Variants in TAB2 observed in about 807,000 individuals in gnomAD.
TAB2 encodes the protein TGF-beta-activated kinase 1 and MAP3K7-binding protein 2.
Under a neutral mutation model 65.0 loss-of-function variants are expected in TAB2, and 3 were observed. That is an observed-to-expected ratio of 0.05 (90% CI 0.02 to 0.12). TAB2 has a LOEUF of 0.12. Among genes scored for constraint, TAB2 ranks in the 10% least tolerant of loss-of-function variants. The probability of loss-of-function intolerance (pLI) is 1.00; values close to 1 mark genes in which losing one functional copy is unlikely to be tolerated. For missense variants in TAB2, 623 were observed against 840.3 expected, an observed-to-expected ratio of 0.74 and a Z score of 3.20; for synonymous variants, 298 against 285.1, an observed-to-expected ratio of 1.05 and a Z score of -0.46.
intron 1 of TAB2, among the ~76,000 whole-genome samples, chr6:149,259,215 G>C (rs117078981): frequency 8.1e-4 from 123 of 152,056 alleles, no homozygotes; most frequent in African/African-American, 2.9e-3. Flanking sequence ...GTTTTTCAGG[G>C]AAGTGGCAAA....
chr6:149,254,006 G>GAAAGAAAGAAAGAAAGAAAGAA (rs1562389385), intron 1 of TAB2, among the ~76,000 whole-genome samples: 91 of 139,104 alleles, frequency 6.5e-4, no homozygotes, highest in African/African-American at 2.4e-3. Flanking sequence ...AAGAAAGAAA[G>GAAAGAAAGAAAGAAAGAAAGAA]AAAGAAAGAA....
At chr6:149,294,927 G>T (rs1778848471) in intron 1 of TAB2, among the ~76,000 whole-genome samples, 1 of 152,082 alleles carries the variant, frequency 6.6e-6, no homozygotes, top group East Asian at 1.9e-4. Flanking sequence ...GAAAATATAA[G>T]GCTGTTAAAA....
At position 149,387,113 on chromosome 6, in the gene TAB2, ACT is replaced by A. The variant is rs533553894; in HGVS notation, c.1603+7598_1603+7599del. Among the ~76,000 whole-genome samples, 4 of 150,998 alleles carry A rather than the reference ACT, an allele frequency of 2.6e-5. No individual in the cohort carries two copies. In the South Asian group the frequency reaches 8.4e-4, roughly 32 times the overall value. On this transcript the variant is annotated intron_variant, in intron 3 of 6. Coordinates refer to ENST00000637181, the MANE Select transcript of TAB2 (RefSeq NM_001292034.3). ...AGTTTTTTATTTGGCTGAAGTCCAA[ACT>A]CTATGTATTTTTTCTTTTATTGCTC...
intron 1 of TAB2, among the ~76,000 whole-genome samples, chr6:149,275,282 AAGAAAGAAAGAAAGAAAG>A (rs1778446387): frequency 6.7e-6 from 1 of 150,072 alleles, no homozygotes; most frequent in African/African-American, 2.5e-5. Flanking sequence ...GAAAGAAAGA[AAGAAAGAAAGAAAGAAAG>A]AGAAAAAAGA....
rs189947756 is a variant in TAB2 at position 149,326,552 on chromosome 6, A to T, written c.-90+8537A>T. On this transcript the variant is annotated intron_variant, in intron 1 of 6. Coordinates refer to ENST00000637181, the MANE Select transcript of TAB2 (RefSeq NM_001292034.3). ...TTTTCAGCCTTGTGTTTTTGTTATT[A>T]TTTTTTTTTTTTTGAGACGGGGTCT... 2.0e-3 allele frequency among the ~76,000 whole-genome samples: 285 copies of T among 141,782 alleles called. 3 individuals are homozygous for T. In the East Asian group the frequency reaches 0.033, roughly 16 times the overall value. 93.0% of individuals were successfully genotyped at this position (141,782 alleles called of 152,430 possible).
chr6:149,314,373 T>C (rs9390673), upstream of TAB2, among the ~76,000 whole-genome samples: 2,756 of 152,294 alleles, frequency 0.018, 70 homozygotes, highest in East Asian at 0.09. Context: ...AGCTCAGCAT[T>C]TGTGGTTTCA....
intron 1 of TAB2, chr6:149,346,448 C>CTTT (rs11399281): frequency 1.3e-3 from 147 of 113,356 alleles, no homozygotes; most frequent in Non-Finnish European, 1.5e-3. Flanking sequence ...GTTGGTGAAA[C>CTTT]TTTTTTTTTT....
intron 1 of TAB2, among the ~76,000 whole-genome samples, chr6:149,305,068 TTTGTTA>T (rs1026647576): frequency 5.9e-5 from 9 of 152,352 alleles, no homozygotes; most frequent in Middle Eastern, 3.4e-3. Flanking sequence ...TTTTTATTGT[TTTGTTA>T]TTGTTATTGT....
chr6:149,248,586 C>G (rs1044772701), intron 1 of TAB2, among the ~76,000 whole-genome samples: 1 of 146,038 alleles, frequency 6.8e-6, no homozygotes, highest in South Asian at 2.4e-4. Flanking sequence ...CCAGCACACT[C>G]TTTCTCCCAA....
Position 149,294,874 on chromosome 6 carries a change from GATCATT to G in TAB2, c.-121+76101_-121+76106del, listed in dbSNP as rs374491353. Among the ~76,000 whole-genome samples the G allele has an allele frequency of 5.3e-3, 804 of 152,196 alleles. 7 individuals carry two copies. Among genetic ancestry groups the G allele is most frequent in the African/African-American group, 0.018 (758 of 41,520 alleles). On this transcript the variant is annotated intron_variant, in intron 1 of 1. Coordinates refer to the TAB2 transcript ENST00000606202. ...TCACAGAATTGTGACAATCAAATAA[GATCATT>G]ATTGTAAGAGTGCCTTGAAAAACCA...
intron 1 of TAB2, among the ~76,000 whole-genome samples, chr6:149,230,600 A>G (rs1449904967): frequency 6.6e-6 from 1 of 152,220 alleles, no homozygotes; most frequent in Non-Finnish European, 1.5e-5. Context: ...CTAGACAGCC[A>G]CCAGAGCAAG....
intron 1 of TAB2, among the ~76,000 whole-genome samples, chr6:149,340,474 A>G (rs1041417898): frequency 6.6e-6 from 1 of 152,288 alleles, no homozygotes; most frequent in East Asian, 1.9e-4. Flanking sequence ...ATATTACTTA[A>G]TATGTTTTTT....
chr6:149,343,109 C>A (rs376249105), intron 1 of TAB2, among the ~76,000 whole-genome samples: 1 of 151,928 alleles, frequency 6.6e-6, no homozygotes, highest in African/African-American at 2.4e-5. Flanking sequence ...TATAAACATA[C>A]CAAAAAAAAT....
chr6:149,378,591 A>T lies in TAB2; in HGVS notation c.676A>T (p.Thr226Ser), dbSNP rs146755707. ...TTACATTACAACTCCTGGTGGTACAACTCGACAGACACAACAGCATTCTGG... is the reference window on the plus strand; with the variant it reads ...TTACATTACAACTCCTGGTGGTACATCTCGACAGACACAACAGCATTCTGG... Reference protein sequence around the residue: ...RPYITTPGGTTRQTQQHSGWV... With the variant: ...RPYITTPGGTSRQTQQHSGWV... The change falls in exon 3 of 7, where the codon ACT becomes TCT. Residue 226 changes from threonine to serine, a missense_variant. Physicochemically the swap from Thr to Ser is moderately conservative, Grantham distance 58. Around this residue, in one of 3 missense-constraint regions of TAB2, gnomAD observed 550 missense variants for 665.7 expected, o/e 0.83. Coordinates refer to ENST00000637181, the MANE Select transcript of TAB2 (RefSeq NM_001292034.3). 42 of 1,613,562 alleles carry T rather than the reference A, an allele frequency of 2.6e-5. No homozygotes were observed. The highest frequency in any genetic ancestry group is 1.6e-5 in the Non-Finnish European group (19 of 1,180,042).
Position 149,379,034 on chromosome 6 carries a change from C to T in TAB2, c.1119C>T (p.Pro373=), listed in dbSNP as rs748911208. The stretch of plus-strand genomic sequence containing the variant: ...CCACTGTTTACATAGCTGCCAGCCC[C>T]CCAAATACGGATGAGCTGATGTCCC... The part of the protein sequence containing the change: ...NQPTVYIAAS[P]PNTDELMSRS... Residue 373 remains proline, a synonymous_variant, in exon 3 of 7, where the codon CCC becomes CCT. Coordinates refer to ENST00000637181, the MANE Select transcript of TAB2 (RefSeq NM_001292034.3). 3 of 1,614,070 alleles carry T rather than the reference C, an allele frequency of 1.9e-6. No homozygotes were observed. The highest frequency in any genetic ancestry group is 2.5e-6 in the Non-Finnish European group (3 of 1,180,046).
chr6:149,371,779 T>C (rs1443647572), intron 2 of TAB2, among the ~76,000 whole-genome samples: 1 of 152,138 alleles, frequency 6.6e-6, no homozygotes, highest in African/African-American at 2.4e-5. Context: ...CCATAAGGTA[T>C]ATTTGGTAAA....
At chr6:149,339,571 C>T (rs1780037020) in intron 1 of TAB2, among the ~76,000 whole-genome samples, 1 of 149,144 alleles carries the variant, frequency 6.7e-6, no homozygotes, top group African/African-American at 2.5e-5. Context: ...AAGCACGGCC[C>T]AATAATTAAT....
chr6:149,313,934 G>C (rs573874698), upstream of TAB2, among the ~76,000 whole-genome samples: 2 of 152,272 alleles, frequency 1.3e-5, no homozygotes, highest in South Asian at 4.1e-4. Context: ...TGCTTGGAAT[G>C]ACCACTACCA....
chr6:149,294,497 G>A (rs1778840072), intron 1 of TAB2, among the ~76,000 whole-genome samples: 1 of 152,174 alleles, frequency 6.6e-6, no homozygotes, highest in Non-Finnish European at 1.5e-5. Flanking sequence ...ATGAATTTTG[G>A]AGGAACACAA....
Sources: gnomAD v4.1 joint callset for allele counts (sites outside exome capture counted in the v4.1 genomes callset) on GRCh38, gnomAD v4.1.1 for gene constraint, gnomAD v4.1.1 regional missense constraint, MANE v1.5 for transcripts, NCBI Gene and HGNC (gene_info 2026-07-23, HGNC 2026-07-21) for gene names.